TMED10: variants seen among roughly 807,000 people sequenced by gnomAD.
The protein encoded by TMED10 is transmembrane emp24 domain-containing protein 10.
TMED10 carries 7 observed loss-of-function variants against 23.1 expected under a neutral mutation model. The ratio of observed to expected loss-of-function variants is 0.30; its 90% CI spans 0.17 to 0.57. TMED10 has a LOEUF of 0.57. Ranked by LOEUF, TMED10 falls within the 20% of genes least tolerant of loss-of-function variation. The probability of loss-of-function intolerance (pLI) is 0.91; values close to 1 mark genes in which losing one functional copy is unlikely to be tolerated. For missense variants in TMED10, 162 were observed against 274.8 expected, an observed-to-expected ratio of 0.59 and a Z score of 2.90; for synonymous variants, 113 against 106.9, an observed-to-expected ratio of 1.06 and a Z score of -0.35.
intron 1 of TMED10, among the ~76,000 whole-genome samples, chr14:75,172,747 T>C (rs994965930): frequency 3.9e-5 from 6 of 152,212 alleles, no homozygotes; most frequent in African/African-American, 1.4e-4. Context: ...TGAAATGATA[T>C]GGCAGAAGCA....
intron 1 of TMED10, among the ~76,000 whole-genome samples, chr14:75,165,372 C>T (rs1217746116): frequency 6.6e-6 from 1 of 152,126 alleles, no homozygotes; most frequent in Non-Finnish European, 1.5e-5. Context: ...GGAATACAGG[C>T]ATACGCCACC....
rs1183769486 is a variant in TMED10 at position 75,132,044 on chromosome 14, G to C, written c.*2841C>G. On this transcript the variant is annotated 3_prime_UTR_variant, in exon 5 of 5. Transcript: ENST00000303575. ...AAAGGCACCAGTCAGAAATAGGAAA[G>C]AAAATCTTGTTAGGCTAACGGTACA... 6.6e-6 allele frequency: 1 copy of C among 152,574 alleles called. No individual in the cohort carries two copies. Among genetic ancestry groups the C allele is most frequent in the African/African-American group, 2.4e-5 (1 of 41,444 alleles). 9.5% of individuals were successfully genotyped at this position (152,574 alleles called of 1,614,324 possible).
At chr14:75,135,697 G>A in intron 4 of TMED10, 63 bp downstream of exon 4, 1 of 1,585,048 alleles carries the variant, frequency 6.3e-7, no homozygotes, top group Middle Eastern at 1.7e-4. Context: ...CACCAGAATT[G>A]AAAGTTTGGA....
intron 1 of TMED10, among the ~76,000 whole-genome samples, chr14:75,154,400 T>TAAAAAAAA (rs1895995039): frequency 1.5e-3 from 1 of 674 alleles, no homozygotes; most frequent in Non-Finnish European, 3.8e-3. Flanking sequence ...AGACTCTGTC[T>TAAAAAAAA]CAAAAAAAAA....
At chr14:75,138,933 T>A (rs956622402) in intron 3 of TMED10, 8 of 240,134 alleles carry the variant, frequency 3.3e-5, no homozygotes, top group African/African-American at 1.9e-4. Flanking sequence ...CTTTTGTAGA[T>A]TACAGCCCCC....
chr14:75,140,745 G>T (rs1382348903), intron 3 of TMED10, among the ~76,000 whole-genome samples: 4 of 151,984 alleles, frequency 2.6e-5, no homozygotes, highest in Non-Finnish European at 5.9e-5. Flanking sequence ...GTAGTCAGTG[G>T]TTTAAAACAA....
chr14:75,140,014 A>T (rs143248813), intron 3 of TMED10, among the ~76,000 whole-genome samples: 48 of 152,322 alleles, frequency 3.2e-4, no homozygotes, highest in African/African-American at 1.2e-3. Context: ...ATTAAATGCT[A>T]TTAAGGAAAG....
chr14:75,146,141 A>G (rs1258882803), intron 3 of TMED10, among the ~76,000 whole-genome samples: 2 of 152,218 alleles, frequency 1.3e-5, no homozygotes, highest in African/African-American at 4.8e-5. Flanking sequence ...GGAAACAGAA[A>G]CAAACAATTG....
At chr14:75,154,046 C>T (rs1417145976) in intron 1 of TMED10, among the ~76,000 whole-genome samples, 4 of 150,640 alleles carry the variant, frequency 2.7e-5, no homozygotes, top group African/African-American at 4.9e-5. Context: ...GCTGGGGTTA[C>T]AGGCGTGAGC....
chr14:75,154,669 T>C (rs1896000317), intron 1 of TMED10, among the ~76,000 whole-genome samples: 1 of 151,994 alleles, frequency 6.6e-6, no homozygotes, highest in East Asian at 1.9e-4. Flanking sequence ...TTTATTTTTA[T>C]TTATTTATTT....
chr14:75,136,154 T>C (rs1197498336), intron 3 of TMED10, among the ~76,000 whole-genome samples: 1 of 152,204 alleles, frequency 6.6e-6, no homozygotes, highest in Non-Finnish European at 1.5e-5. Flanking sequence ...TACTATTGTC[T>C]CAAGATTTTT....
intron 3 of TMED10, among the ~76,000 whole-genome samples, chr14:75,138,833 A>G (rs404103): frequency 9.8e-5 from 13 of 133,278 alleles, no homozygotes; most frequent in South Asian, 4.7e-4. Flanking sequence ...TTTTTTTTTT[A>G]TTTTTGTTGT....
intron 1 of TMED10, among the ~76,000 whole-genome samples, chr14:75,171,571 C>T (rs537645808): frequency 2.0e-5 from 3 of 151,270 alleles, no homozygotes; most frequent in South Asian, 2.1e-4. Flanking sequence ...AGAGCCACCG[C>T]GCCCAGCCTG....
At chr14:75,145,665 TA>T (rs1396428599) in intron 3 of TMED10, among the ~76,000 whole-genome samples, 2 of 152,120 alleles carry the variant, frequency 1.3e-5, no homozygotes, top group Non-Finnish European at 2.9e-5. Flanking sequence ...TGGGTGCCTG[TA>T]GTCCCAGCTA....
At chr14:75,141,919 G>A (rs73311660) in intron 3 of TMED10, among the ~76,000 whole-genome samples, 3 of 152,244 alleles carry the variant, frequency 2.0e-5, no homozygotes, top group African/African-American at 7.2e-5. Context: ...TCAAGAAGAC[G>A]CTCTTTACTT....
intron 1 of TMED10, among the ~76,000 whole-genome samples, chr14:75,159,317 T>C (rs1896058899): frequency 6.6e-6 from 1 of 152,240 alleles, no homozygotes; most frequent in Non-Finnish European, 1.5e-5. Flanking sequence ...GGAAGAAGGC[T>C]AATAATTACA....
At chr14:75,156,044 A>G (rs1392214598) in intron 1 of TMED10, among the ~76,000 whole-genome samples, 1 of 152,188 alleles carries the variant, frequency 6.6e-6, no homozygotes, top group Non-Finnish European at 1.5e-5. Flanking sequence ...TAGCATGCTA[A>G]GGAGTTTAAG....
intron 1 of TMED10, among the ~76,000 whole-genome samples, chr14:75,164,702 C>A (rs75188611): frequency 0.019 from 2,816 of 146,070 alleles, 31 homozygotes; most frequent in Non-Finnish European, 0.029. Context: ...GGATTACAGA[C>A]GTAAGCCACC....
chr14:75,165,387 A>G (rs541824551), intron 1 of TMED10, among the ~76,000 whole-genome samples: 164 of 152,026 alleles, frequency 1.1e-3, no homozygotes, highest in African/African-American at 3.9e-3. Context: ...GCCACCATGC[A>G]CGGCTAATTT....
Sources: gnomAD v4.1 joint callset for allele counts (sites outside exome capture counted in the v4.1 genomes callset) on GRCh38, gnomAD v4.1.1 for gene constraint, MANE v1.5 for transcripts, NCBI Gene and HGNC (gene_info 2026-07-23, HGNC 2026-07-21) for gene names.